ARMC8: variants seen among roughly 807,000 people sequenced by gnomAD.
ARMC8 encodes the protein armadillo repeat containing 8, also known as armadillo repeat-containing protein 8.
In ARMC8, 20 loss-of-function variants were observed where a neutral mutation model predicts 99.3. The observed-to-expected ratio is 0.20, with a 90% confidence interval of 0.14 to 0.29. The LOEUF is 0.29. ARMC8 is among the 10% of genes least tolerant of loss of function. The pLI is 1.00. For missense variants in ARMC8, 569 were observed against 809.5 expected, an observed-to-expected ratio of 0.70 and a Z score of 3.60; for synonymous variants, 263 against 278.3, an observed-to-expected ratio of 0.95 and a Z score of 0.55.
At chr3:138,267,110 TTCA>T (rs775673985) in intron 14 of ARMC8, 42 bp from the exon 15 acceptor site, 10 of 993,114 alleles carry the variant, frequency 1.0e-5, no homozygotes, top group Non-Finnish European at 1.0e-5. Context: ...ATATCTCATC[TTCA>T]TCATTCCAAA....
intron 19 of ARMC8, among the ~76,000 whole-genome samples, chr3:138,288,290 A>G (rs1032962707): frequency 2.0e-5 from 3 of 152,204 alleles, no homozygotes; most frequent in African/African-American, 7.2e-5. Context: ...GATAACCAGT[A>G]GCTTAAGAGA....
In ARMC8 at chr3:138,223,653, C is replaced by A. The variant is rs1479991988; in HGVS notation, c.355C>A (p.Leu119Met). The change falls in exon 5 of 22, where the codon CTG becomes ATG. Residue 119 changes from leucine to methionine, a missense_variant. Coordinates refer to ENST00000469044, the MANE Select transcript of ARMC8 (RefSeq NM_001363941.2). ...GTTAATAGGACTACTGTCCCCAGACCTGAAGTTTATTGAAGCTTGCCTCCG... is the reference window on the plus strand; with the variant it reads ...GTTAATAGGACTACTGTCCCCAGACATGAAGTTTATTGAAGCTTGCCTCCG... ...ALLQGLLSPD[L>M]KFIEACLRCL... The A allele has an allele frequency of 4.3e-6, 7 of 1,614,180 alleles. No homozygotes were observed. The highest frequency in any genetic ancestry group is 1.6e-4 in the Middle Eastern group (1 of 6,062).
chr3:138,236,483 A>G (rs1383471035), intron 7 of ARMC8, among the ~76,000 whole-genome samples: 2 of 152,150 alleles, frequency 1.3e-5, no homozygotes, highest in African/African-American at 4.8e-5. Context: ...GGTTGTGGAA[A>G]GGGGACTAGT....
At chr3:138,189,694 C>T (rs2043266764) in intron 1 of ARMC8, among the ~76,000 whole-genome samples, 1 of 152,134 alleles carries the variant, frequency 6.6e-6, no homozygotes, top group South Asian at 2.1e-4. Flanking sequence ...AAAGGATTTC[C>T]ATTTGAGTCT....
intron 1 of ARMC8, among the ~76,000 whole-genome samples, chr3:138,191,376 A>G (rs970182763): frequency 1.3e-5 from 2 of 152,226 alleles, no homozygotes; most frequent in African/African-American, 4.8e-5. Flanking sequence ...AAAAACATTT[A>G]TTTTGAAATA....
rs2045904411 is a variant in ARMC8, at chr3:138,229,190, GTATATGTA to G, written c.528+184_528+191del. On this transcript the variant is annotated intron_variant, in intron 6 of 21. Transcript: ENST00000469044. Reference sequence around the variant, plus strand: ...TATATATATATATATATATGTATATGTATATGTATATGTATATATAAAATATATATATA... The same window carrying G: ...TATATATATATATATATATGTATATGTATGTATATATAAAATATATATATA... 1.6e-4 allele frequency: 10 copies of G among 63,538 alleles called. No homozygotes were observed. The South Asian group carries it at 5.3e-3, about 34-fold the overall frequency. 3.9% of individuals were successfully genotyped at this position (63,538 alleles called of 1,614,324 possible). A position where few individuals can be genotyped will look rare whatever the true frequency, so the allele number is the denominator to read the frequency against.
intron 11 of ARMC8, among the ~76,000 whole-genome samples, chr3:138,243,220 G>A (rs191413557): frequency 2.0e-5 from 3 of 152,170 alleles, no homozygotes; most frequent in Non-Finnish European, 4.4e-5. Context: ...TAACTAGTAC[G>A]TAGATTATCC....
chr3:138,295,368 C>T (rs548128591), intron 21 of ARMC8, among the ~76,000 whole-genome samples: 1 of 152,324 alleles, frequency 6.6e-6, no homozygotes, highest in South Asian at 2.1e-4. Context: ...ACAGCCTCAT[C>T]CCATGGGCTC....
chr3:138,246,219 A>T, intron 12 of ARMC8: 1 of 985,266 alleles, frequency 1.0e-6, no homozygotes, highest in East Asian at 1.1e-4. Flanking sequence ...ATGTGTGAGT[A>T]GCTTTGATTT....
chr3:138,200,209 G>A (rs1208685720), intron 1 of ARMC8, among the ~76,000 whole-genome samples: 2 of 152,170 alleles, frequency 1.3e-5, no homozygotes, highest in Admixed American at 6.5e-5. Context: ...ATTTAAACCC[G>A]TAAATACTCA....
intron 13 of ARMC8, 150 bp from the exon 14 acceptor site, chr3:138,263,981 C>A: frequency 1.1e-6 from 1 of 948,068 alleles, no homozygotes; most frequent in Non-Finnish European, 1.7e-6. Context: ...AGAGCCTGGC[C>A]TCCAAACCCC....
intron 1 of ARMC8, 77 bp from the exon 2 acceptor site, chr3:138,209,740 C>G: frequency 8.2e-7 from 1 of 1,212,210 alleles, no homozygotes; most frequent in Middle Eastern, 1.9e-4. Flanking sequence ...TATCTAGTCA[C>G]TTGATATTGT....
At chr3:138,230,564 G>A (rs181136524) in intron 6 of ARMC8, among the ~76,000 whole-genome samples, 14 of 152,258 alleles carry the variant, frequency 9.2e-5, no homozygotes, top group African/African-American at 3.4e-4. Flanking sequence ...GAGGTGGGAA[G>A]ATCGATTGAG....
chr3:138,260,243 T>G (rs749776958), intron 12 of ARMC8, among the ~76,000 whole-genome samples: 1 of 152,208 alleles, frequency 6.6e-6, no homozygotes, highest in Admixed American at 6.5e-5. Flanking sequence ...CTCACCCGCC[T>G]TCTTCCCAAG....
intron 16 of ARMC8, among the ~76,000 whole-genome samples, chr3:138,271,798 C>CTTT (rs776320900): frequency 7.3e-6 from 1 of 136,132 alleles, no homozygotes; most frequent in African/African-American, 2.8e-5. Context: ...TTTTTTCTTT[C>CTTT]TTTTTTTTTT....
At chr3:138,289,153 A>G (rs1216769250) in intron 20 of ARMC8, 33 bp downstream of exon 20, 1 of 1,556,140 alleles carries the variant, frequency 6.4e-7, no homozygotes, top group Admixed American at 1.7e-5. Flanking sequence ...TTTGAAAAAA[A>G]TTATGGGAAG....
At chr3:138,226,350 C>T (rs4678258) in intron 5 of ARMC8, among the ~76,000 whole-genome samples, 25,972 of 152,156 alleles carry the variant, frequency 0.17, 2,788 homozygotes, top group Middle Eastern at 0.27. Context: ...GGAGTCATGC[C>T]TCATAAATCT....
chr3:138,214,481 A>G (rs1338853105), intron 2 of ARMC8, among the ~76,000 whole-genome samples: 1 of 152,204 alleles, frequency 6.6e-6, no homozygotes, highest in African/African-American at 2.4e-5. Context: ...CTCTGGTTTC[A>G]GTAGAATGTA....
chr3:138,281,827 G>T (rs1340114421), intron 18 of ARMC8, among the ~76,000 whole-genome samples: 1 of 152,170 alleles, frequency 6.6e-6, no homozygotes, highest in Non-Finnish European at 1.5e-5. Flanking sequence ...GTAAGAGGGG[G>T]TAGCTGTTTT....
Sources: gnomAD v4.1 joint callset for allele counts (sites outside exome capture counted in the v4.1 genomes callset) on GRCh38, gnomAD v4.1.1 for gene constraint, MANE v1.5 for transcripts, NCBI Gene and HGNC (gene_info 2026-07-23, HGNC 2026-07-21) for gene names.